CYB5R4: variants seen among roughly 807,000 people sequenced by gnomAD.
CYB5R4 encodes the protein cytochrome b5 reductase 4.
CYB5R4 carries 55 observed loss-of-function variants against 70.2 expected under a neutral mutation model. The ratio of observed to expected loss-of-function variants is 0.78; its 90% confidence interval spans 0.63 to 0.98. The LOEUF (loss-of-function observed/expected upper bound fraction) is 0.98. Ranked by LOEUF, CYB5R4 falls within the 50% of genes least tolerant of loss-of-function variation. The pLI is 0.00. For missense variants in CYB5R4, 562 were observed against 612.6 expected (o/e 0.92, Z 0.87); for synonymous variants, 197 against 199.5 (o/e 0.99, Z 0.11).
At chr6:83,941,295 C>T (rs2129143322) in intron 14 of CYB5R4, among the ~76,000 whole-genome samples, 1 of 152,268 alleles carries the variant, frequency 6.6e-6, no homozygotes, top group East Asian at 1.9e-4. Flanking sequence ...TGAATATATG[C>T]TCCATTTCCC....
At chr6:83,913,678 A>G (rs1588574331) in intron 4 of CYB5R4, among the ~76,000 whole-genome samples, 1 of 152,206 alleles carries the variant, frequency 6.6e-6, no homozygotes, top group African/African-American at 2.4e-5. Context: ...CTTTTTGTAT[A>G]AAACAAGGTG....
At chr6:83,868,150 G>A (rs895592153) in intron 2 of CYB5R4, among the ~76,000 whole-genome samples, 1 of 152,010 alleles carries the variant, frequency 6.6e-6, no homozygotes, top group Non-Finnish European at 1.5e-5. Flanking sequence ...GTGCCACAGG[G>A]AAGCATGGTA....
intron 3 of CYB5R4, among the ~76,000 whole-genome samples, chr6:83,899,816 C>A (rs1393202116): frequency 6.6e-6 from 1 of 152,110 alleles, no homozygotes. Flanking sequence ...GTGATATCCC[C>A]TTTATCATTT....
At chr6:83,946,381 TG>T (rs1315616557) in intron 14 of CYB5R4, among the ~76,000 whole-genome samples, 2 of 152,288 alleles carry the variant, frequency 1.3e-5, no homozygotes, top group Admixed American at 1.3e-4. Context: ...CACCCCTTCA[TG>T]CTAAAAACAC....
chr6:83,946,272 C>A (rs74817691), intron 14 of CYB5R4, among the ~76,000 whole-genome samples: 2,369 of 152,288 alleles, frequency 0.016, 69 homozygotes, highest in African/African-American at 0.054. Context: ...ATTCAACATA[C>A]ACAAATCAAT....
At chr6:83,864,465 T>C (rs1269070861) in intron 2 of CYB5R4, 137 bp downstream of exon 2, 13 of 692,476 alleles carry the variant, frequency 1.9e-5, no homozygotes, top group Middle Eastern at 4.4e-4. Context: ...CAATAACTTA[T>C]ATAATTCTGA....
At position 83,945,504 on chromosome 6, in the gene CYB5R4, G is replaced by T. The variant is rs559818250; in HGVS notation, c.1346+4903G>T. 1.8e-4 allele frequency among the ~76,000 whole-genome samples: 27 copies of T among 152,016 alleles called. No individual in the cohort carries two copies. The South Asian group carries it at 5.6e-3, about 32-fold the overall frequency. On this transcript the variant is annotated intron_variant, in intron 14 of 15. Transcript: ENST00000369681. The stretch of plus-strand genomic sequence containing the variant: ...AAAATCGACACCCTAACATCACAAT[G>T]AGAAGAACTAGAGAAGCAACAGCAA...
Position 83,914,838 on chromosome 6 carries a change from ATTT to A in CYB5R4, c.445+406_445+408del, listed in dbSNP as rs148327073. Among the ~76,000 whole-genome samples, 1,401 of 145,102 alleles carry A rather than the reference ATTT, an allele frequency of 9.7e-3. 13 individuals carry two copies. The highest frequency in any genetic ancestry group is 0.022 in the African/African-American group (868 of 39,452). ...GCGTGAGCCACTGTGCCCGGCCTAG[ATTT>A]TTTTTTTTTTTTTTTAATATGAAAG... is the stretch of plus-strand genomic sequence containing the variant. On this transcript the variant is annotated intron_variant, in intron 5 of 15. Transcript: ENST00000369681.
At position 83,916,404 on chromosome 6, in the gene CYB5R4, A is replaced by G. The variant is rs61763816; in HGVS notation, c.446-1601A>G. ...TGATTTTTATTTATATACTTAAGAGACTTCCAAAAGAGAAACAACATTAAT... is the reference window on the plus strand; with the variant it reads ...TGATTTTTATTTATATACTTAAGAGGCTTCCAAAAGAGAAACAACATTAAT... On this transcript the variant is annotated intron_variant, in intron 5 of 15. Coordinates refer to ENST00000369681, the MANE Select transcript of CYB5R4 (RefSeq NM_016230.4). Among the ~76,000 whole-genome samples, 669 of 152,286 alleles carry G rather than the reference A, an allele frequency of 4.4e-3. 6 individuals carry two copies. Among genetic ancestry groups the G allele is most frequent in the African/African-American group, 0.015 (637 of 41,566 alleles).
In CYB5R4 at chr6:83,966,347, T is replaced by C. The variant is rs2099474064; in HGVS notation, c.*6469T>C. ...AAACTAGAAAGAACATAAGAGGAAA[T>C]ACATATTATATAAGAAGAAAAGAGT... On this transcript the variant is annotated 3_prime_UTR_variant, in exon 16 of 16. Transcript: ENST00000369681. The C allele has an allele frequency of 6.6e-6, 1 of 152,002 alleles. No individual in the cohort carries two copies. The highest frequency in any genetic ancestry group is 2.1e-4 in the South Asian group (1 of 4,824). 9.4% of individuals were successfully genotyped at this position (152,002 alleles called of 1,614,324 possible). A position where few individuals can be genotyped will look rare whatever the true frequency, so the allele number is the denominator to read the frequency against.
chr6:83,907,913 A>G (rs1484305890), intron 3 of CYB5R4, among the ~76,000 whole-genome samples: 39 of 152,096 alleles, frequency 2.6e-4, no homozygotes, highest in Non-Finnish European at 1.2e-4. Context: ...TGTCTTTGCT[A>G]TTGTGAATAG....
chr6:83,927,938 C>G lies in CYB5R4; in HGVS notation c.814+3346C>G, dbSNP rs568608810. Reference sequence around the variant, plus strand: ...CCCACCAGGATTCTCCCCATTAGAACAAAAGATGCTCCTATCACCCAGGAA... The same window carrying G: ...CCCACCAGGATTCTCCCCATTAGAAGAAAAGATGCTCCTATCACCCAGGAA... On this transcript the variant is annotated intron_variant, in intron 10 of 15. Transcript: ENST00000369681. 2.7e-4 allele frequency among the ~76,000 whole-genome samples: 41 copies of G among 152,222 alleles called. No individual in the cohort carries two copies. The South Asian group carries it at 6.6e-3, about 25-fold the overall frequency.
chr6:83,923,975 C>T (rs2099466851), intron 9 of CYB5R4, among the ~76,000 whole-genome samples: 1 of 144,920 alleles, frequency 6.9e-6, no homozygotes, highest in African/African-American at 2.6e-5. Context: ...GAGGCTGAGG[C>T]AGGAGAATGG....
chr6:83,889,768 C>T (rs2099460825), intron 2 of CYB5R4, among the ~76,000 whole-genome samples: 1 of 152,182 alleles, frequency 6.6e-6, no homozygotes, highest in South Asian at 2.1e-4. Context: ...CTGGCATCAG[C>T]TTCTTGGGGA....
At chr6:83,867,809 C>T (rs199848839) in intron 2 of CYB5R4, among the ~76,000 whole-genome samples, 1 of 152,160 alleles carries the variant, frequency 6.6e-6, no homozygotes, top group Non-Finnish European at 1.5e-5. Context: ...CATGTGAGCT[C>T]GTGCTTGGCT....
chr6:83,945,671 C>T (rs1433174228), intron 14 of CYB5R4, among the ~76,000 whole-genome samples: 1 of 152,060 alleles, frequency 6.6e-6, no homozygotes, highest in East Asian at 1.9e-4. Flanking sequence ...GGATAGACCG[C>T]TAGTCAGACT....
At chr6:83,938,070 T>G (rs1437351230) in intron 12 of CYB5R4, among the ~76,000 whole-genome samples, 1 of 152,202 alleles carries the variant, frequency 6.6e-6, no homozygotes, top group Non-Finnish European at 1.5e-5. Context: ...GTAGATATGA[T>G]TCTGCTAATT....
intron 14 of CYB5R4, among the ~76,000 whole-genome samples, chr6:83,946,128 A>T (rs2099470572): frequency 6.6e-6 from 1 of 152,202 alleles, no homozygotes; most frequent in African/African-American, 2.4e-5. Flanking sequence ...AAAAAAAGAA[A>T]ATTTCAGGCC....
intron 12 of CYB5R4, 52 bp downstream of exon 12, chr6:83,936,428 A>C: frequency 6.7e-7 from 1 of 1,499,778 alleles, no homozygotes; most frequent in Non-Finnish European, 9.2e-7. Flanking sequence ...ATTGGATCAC[A>C]TTGTCCTCTA....
Sources: gnomAD v4.1 joint callset for allele counts (sites outside exome capture counted in the v4.1 genomes callset) on GRCh38, gnomAD v4.1.1 for gene constraint, MANE v1.5 for transcripts, NCBI Gene and HGNC (gene_info 2026-07-23, HGNC 2026-07-21) for gene names.